FBXO10: variants seen among roughly 807,000 people sequenced by gnomAD.
FBXO10 encodes F-box only protein 10.
FBXO10 carries 39 observed loss-of-function variants against 80.7 expected under a neutral mutation model. The ratio of observed to expected loss-of-function variants is 0.48; its 90% confidence interval spans 0.37 to 0.63. FBXO10 has a LOEUF of 0.63. Among genes scored for constraint, FBXO10 ranks in the 30% least tolerant of loss-of-function variants. The pLI is 0.00. For synonymous variants in FBXO10, 449 were observed against 489.6 expected, an observed-to-expected ratio of 0.92 and a Z score of 1.09; for missense variants, 1,025 against 1,269.0, an observed-to-expected ratio of 0.81 and a Z score of 2.92.
At chr9:37,521,052 C>A (rs967391756) in intron 8 of FBXO10, among the ~76,000 whole-genome samples, 1 of 152,022 alleles carries the variant, frequency 6.6e-6, no homozygotes, top group African/African-American at 2.4e-5. Flanking sequence ...TAGTTTGGGA[C>A]GTGTGGATGG....
chr9:37,532,860 C>T (rs545096348), intron 3 of FBXO10, among the ~76,000 whole-genome samples: 2 of 152,298 alleles, frequency 1.3e-5, no homozygotes, highest in South Asian at 4.1e-4. Context: ...GTTCCAGGTC[C>T]ACCACTTCCA....
intron 3 of FBXO10, among the ~76,000 whole-genome samples, chr9:37,534,221 C>T (rs1821698600): frequency 1.3e-5 from 2 of 152,154 alleles, no homozygotes; most frequent in Admixed American, 1.3e-4. Flanking sequence ...GGACAAAATT[C>T]TGTGAAGACT....
rs1442414317 is a variant in FBXO10, at chr9:37,541,616, A to G, written c.153T>C (p.Gly51=). Residue 51 remains glycine (G), a synonymous_variant, in exon 2 of 11, where the codon GGT becomes GGC. Transcript: ENST00000432825. ...DSTRWRQLCL[G]CTECRHPNWP... Reference sequence around the variant, plus strand: ...AATTGGGATGGCGGCACTCGGTGCAACCCAGACACAGCTGCCGCCAGCGGG... The same window carrying G: ...AATTGGGATGGCGGCACTCGGTGCAGCCCAGACACAGCTGCCGCCAGCGGG... 3 of 1,613,688 alleles carry G rather than the reference A, an allele frequency of 1.9e-6. No homozygotes were observed. The highest frequency in any genetic ancestry group is 3.3e-5 in the Admixed American group (2 of 59,978).
At chr9:37,525,653 G>A (rs185387627) in intron 5 of FBXO10, among the ~76,000 whole-genome samples, 16 of 151,890 alleles carry the variant, frequency 1.1e-4, no homozygotes, top group Admixed American at 7.9e-4. Context: ...GGGTTCAAGC[G>A]ATGTTCGTGC....
At position 37,541,763 on chromosome 9, in the gene FBXO10, C is replaced by A; in HGVS notation, c.6G>T (p.Glu2Asp). 6.3e-7 allele frequency: 1 copy of A among 1,593,224 alleles called. No homozygotes were observed. The highest frequency in any genetic ancestry group is 8.6e-7 in the Non-Finnish European group (1 of 1,166,998). M[E>D]AGGLPLELWR... is the part of the protein sequence containing the mutation. ...ACAGCTCCAAGGGGAGGCCACCAGC[C>A]TCCATGGTCACCTAGGAGACAGACA... The change falls in exon 2 of 11, where the codon GAG becomes GAT. Residue 2 changes from glutamate to aspartate, a missense_variant. Glu to Asp is a conservative substitution (Grantham distance 45, BLOSUM62 2). Transcript: ENST00000432825.
chr9:37,550,369 G>A (rs774206310), intron 1 of FBXO10, among the ~76,000 whole-genome samples: 2 of 151,258 alleles, frequency 1.3e-5, no homozygotes, highest in East Asian at 1.9e-4. Context: ...TTTTAGTAGG[G>A]AGATGGGGTT....
chr9:37,517,479 G>A (rs1214931060), intron 9 of FBXO10, among the ~76,000 whole-genome samples: 2 of 109,064 alleles, frequency 1.8e-5, no homozygotes, highest in East Asian at 2.5e-4. Context: ...CAGTCCGGTG[G>A]GGAGACAAAT....
intron 1 of FBXO10, among the ~76,000 whole-genome samples, chr9:37,569,727 T>C (rs1462961788): frequency 6.6e-6 from 1 of 152,154 alleles, no homozygotes; most frequent in Non-Finnish European, 1.5e-5. Flanking sequence ...TCCAGCTACC[T>C]GGGGAGACTG....
intron 9 of FBXO10, 51 bp from the exon 10 acceptor site, chr9:37,516,136 T>A: frequency 6.4e-7 from 1 of 1,557,542 alleles, no homozygotes; most frequent in Non-Finnish European, 8.7e-7. Context: ...ACAGACTGAG[T>A]GGGAGAGCTG....
At chr9:37,537,058 T>C in intron 3 of FBXO10, 52 bp downstream of exon 3, 1 of 1,409,856 alleles carries the variant, frequency 7.1e-7, no homozygotes, top group Non-Finnish European at 9.7e-7. Flanking sequence ...ATCAAACCCT[T>C]CCTACATATA....
At chr9:37,573,221 A>G (rs13295969) in intron 1 of FBXO10, among the ~76,000 whole-genome samples, 228 of 152,332 alleles carry the variant, frequency 1.5e-3, no homozygotes, top group Non-Finnish European at 2.1e-3. Flanking sequence ...GTTTGAAAAC[A>G]GAGACATCTC....
intron 1 of FBXO10, among the ~76,000 whole-genome samples, chr9:37,545,742 A>G (rs1389033512): frequency 6.6e-6 from 1 of 152,230 alleles, no homozygotes; most frequent in Non-Finnish European, 1.5e-5. Flanking sequence ...GCCATGACAG[A>G]ATAACGGAAA....
chr9:37,512,773 G>C (rs1821095723), intron 10 of FBXO10, 52 bp from the exon 11 acceptor site: 1 of 1,566,072 alleles, frequency 6.4e-7, no homozygotes, highest in Non-Finnish European at 8.7e-7. Context: ...TGCAGTGCTG[G>C]CTGAATGCCC....
chr9:37,563,561 G>A (rs904208428), intron 1 of FBXO10, among the ~76,000 whole-genome samples: 3 of 152,192 alleles, frequency 2.0e-5, no homozygotes, highest in African/African-American at 7.2e-5. Context: ...TGCTGATAGT[G>A]ATATGGACCA....
chr9:37,571,678 C>A (rs1323616899), intron 1 of FBXO10, among the ~76,000 whole-genome samples: 2 of 123,266 alleles, frequency 1.6e-5, no homozygotes, highest in African/African-American at 6.7e-5. Flanking sequence ...AGAATGGGAT[C>A]GAAGATATCA....
In FBXO10 at chr9:37,515,954, G is replaced by T. The variant is rs774613411; in HGVS notation, c.2646C>A (p.Asn882Lys). ...TSKTIFQQIS[N>K]NRECIMQNNK... ...TGTTTTGCATGATGCATTCTCGGTT[G>T]TTTGAGATCTGCTGAAAGATGGTCT... The change falls in exon 10 of 11, where the codon AAC becomes AAA. Residue 882 changes from asparagine (N) to lysine (K), a missense_variant. Physicochemically the swap from Asn to Lys is moderately conservative, Grantham distance 94. Coordinates refer to ENST00000432825, the MANE Select transcript of FBXO10 (RefSeq NM_012166.3). 1 of 1,614,034 alleles carries T rather than the reference G, an allele frequency of 6.2e-7. No individual in the cohort carries two copies. Among genetic ancestry groups the T allele is most frequent in the South Asian group, 1.1e-5 (1 of 91,086 alleles).
chr9:37,541,290 T>A lies in FBXO10; in HGVS notation c.479A>T (p.Lys160Met). 6.2e-7 allele frequency: 1 copy of A among 1,613,958 alleles called. No homozygotes were observed. Among genetic ancestry groups the A allele is most frequent in the African/African-American group, 1.3e-5 (1 of 75,028 alleles). ...KVPVEIVGQG[K>M]LGEVALLASI... is the part of the protein sequence containing the mutation. Reference sequence around the variant, plus strand: ...GGCCAGCAGGGCCACTTCACCCAACTTCCCCTGCCCTACAATCTCCACAGG... The same window carrying A: ...GGCCAGCAGGGCCACTTCACCCAACATCCCCTGCCCTACAATCTCCACAGG... The change falls in exon 2 of 11, where the codon AAG becomes ATG. Residue 160 changes from lysine (K) to methionine (M), a missense_variant. By Grantham distance (95) the Lys-to-Met change is moderately conservative. This residue lies in a region of FBXO10 where 450 missense variants were observed against 499.4 expected (regional missense o/e 0.90). Transcript: ENST00000432825.
At chr9:37,519,870 T>A (rs561152981) in intron 8 of FBXO10, among the ~76,000 whole-genome samples, 1 of 151,652 alleles carries the variant, frequency 6.6e-6, no homozygotes, top group Non-Finnish European at 1.5e-5. Context: ...CAGGCAGTAG[T>A]GCAGTGGCAC....
In FBXO10 at chr9:37,518,453, G is replaced by T. The variant is rs1191162631; in HGVS notation, c.2201-15C>A. The T allele has an allele frequency of 2.6e-6, 4 of 1,562,812 alleles. No individual in the cohort carries two copies. The highest frequency in any genetic ancestry group is 3.5e-6 in the Non-Finnish European group (4 of 1,152,720). On this transcript the variant is annotated splice_polypyrimidine_tract_variant and intron_variant, in intron 8 of 10. Transcript: ENST00000432825. ...GAGTCCTGAGGCTATGGGTGGAAGGGTTGGAAAGCACAGGGGGTCCCAGGG... is the reference window on the plus strand; with the variant it reads ...GAGTCCTGAGGCTATGGGTGGAAGGTTTGGAAAGCACAGGGGGTCCCAGGG...
Sources: allele counts gnomAD v4.1 joint callset (sites outside exome capture counted in the v4.1 genomes callset), GRCh38; gene constraint gnomAD v4.1.1; regional missense constraint gnomAD v4.1.1; transcripts MANE v1.5; gene names NCBI Gene and HGNC (gene_info 2026-07-23, HGNC 2026-07-21).